The following NUBPL variants were observed in gnomAD, a reference collection of about 807,000 sequenced individuals.
NUBPL encodes NUBP iron-sulfur cluster assembly factor, mitochondrial.
In NUBPL, 31 loss-of-function variants were observed where a neutral mutation model predicts 45.7. The ratio of observed to expected loss-of-function variants is 0.68; its 90% CI spans 0.51 to 0.92. The LOEUF is 0.92. NUBPL is among the 40% of genes least tolerant of loss of function. The pLI, the probability that NUBPL is intolerant of heterozygous loss-of-function variation, is 0.00. For missense variants in NUBPL, 401 were observed against 398.7 expected, an observed-to-expected ratio of 1.01 and a Z score of -0.05; for synonymous variants, 144 against 140.9, an observed-to-expected ratio of 1.02 and a Z score of -0.15.
At chr14:31,610,497 C>G (rs955360360) in intron 4 of NUBPL, among the ~76,000 whole-genome samples, 3 of 149,018 alleles carry the variant, frequency 2.0e-5, no homozygotes, top group South Asian at 2.1e-4. Context: ...TTTAAAGAAC[C>G]AATACCAATC....
In NUBPL at chr14:31,859,992, G is replaced by A. The variant is rs2139030505; in HGVS notation, c.*812G>A. ...TAGATTCATCTTTTTGTACACCAAT[G>A]TGCTTTTGTTAATTAAAAAAAGTCG... On this transcript the variant is annotated 3_prime_UTR_variant, in exon 11 of 11. Transcript: ENST00000281081. 1 of 152,156 alleles carries A rather than the reference G, an allele frequency of 6.6e-6. No individual in the cohort carries two copies. The highest frequency in any genetic ancestry group is 2.1e-4 in the South Asian group (1 of 4,812). The allele number at this position is 152,156 out of a possible 1,614,324, so 9.4% of individuals were successfully genotyped here.
At chr14:31,834,231 A>T (rs1412401875) in intron 8 of NUBPL, among the ~76,000 whole-genome samples, 3 of 120,322 alleles carry the variant, frequency 2.5e-5, no homozygotes, top group East Asian at 2.6e-4. Flanking sequence ...GCCAGGCTGG[A>T]GTGCAGTGGT....
chr14:31,704,802 AAACTTT>A (rs2037411489), intron 6 of NUBPL, among the ~76,000 whole-genome samples: 1 of 152,298 alleles, frequency 6.6e-6, no homozygotes, highest in African/African-American at 2.4e-5. Context: ...CATAGACAAT[AAACTTT>A]AACATCCCAG....
At chr14:31,855,098 A>C (rs775120615) in intron 10 of NUBPL, among the ~76,000 whole-genome samples, 69 of 152,220 alleles carry the variant, frequency 4.5e-4, no homozygotes, top group Non-Finnish European at 8.7e-4. Flanking sequence ...TCTCTAATGT[A>C]GATAAATACT....
intron 4 of NUBPL, among the ~76,000 whole-genome samples, chr14:31,636,804 C>A (rs10131996): frequency 3.3e-5 from 5 of 152,172 alleles, no homozygotes; most frequent in Admixed American, 2.6e-4. Flanking sequence ...CAACTTCTTC[C>A]TGGTTTAGTC....
intron 6 of NUBPL, among the ~76,000 whole-genome samples, chr14:31,743,913 T>C (rs2038340244): frequency 6.6e-6 from 1 of 152,224 alleles, no homozygotes; most frequent in Non-Finnish European, 1.5e-5. Flanking sequence ...AGAGCCCCGC[T>C]CTTCAAGTGG....
At chr14:31,626,655 C>T (rs1056640327) in intron 4 of NUBPL, among the ~76,000 whole-genome samples, 1 of 152,166 alleles carries the variant, frequency 6.6e-6, no homozygotes, top group African/African-American at 2.4e-5. Context: ...AAACGAGCTA[C>T]ACCTGTCTAA....
chr14:31,606,331 A>G (rs944064869), intron 4 of NUBPL, among the ~76,000 whole-genome samples: 2 of 151,990 alleles, frequency 1.3e-5, no homozygotes, highest in Admixed American at 1.3e-4. Context: ...GACTCAAGCA[A>G]TCCTCCTGCT....
At chr14:31,848,449 G>A (rs930425587) in intron 9 of NUBPL, among the ~76,000 whole-genome samples, 5 of 152,098 alleles carry the variant, frequency 3.3e-5, no homozygotes, top group African/African-American at 1.2e-4. Flanking sequence ...TCAGTGGGTC[G>A]TGTTTTAAAT....
At chr14:31,635,049 C>G (rs1595401818) in intron 4 of NUBPL, among the ~76,000 whole-genome samples, 1 of 149,326 alleles carries the variant, frequency 6.7e-6, no homozygotes, top group Non-Finnish European at 1.5e-5. Flanking sequence ...TGCCTGTTCA[C>G]TCTGATGGTA....
intron 6 of NUBPL, among the ~76,000 whole-genome samples, chr14:31,749,876 G>A (rs962267062): frequency 2.0e-5 from 3 of 151,946 alleles, no homozygotes; most frequent in Non-Finnish European, 2.9e-5. Flanking sequence ...AAGTCCTGTA[G>A]GTGTTCTTCA....
chr14:31,814,110 C>T (rs767242585), intron 7 of NUBPL, among the ~76,000 whole-genome samples: 1 of 152,226 alleles, frequency 6.6e-6, no homozygotes, highest in Non-Finnish European at 1.5e-5. Context: ...AATCCCCACA[C>T]TGTCTTCCAC....
intron 7 of NUBPL, among the ~76,000 whole-genome samples, chr14:31,817,175 A>G (rs1225620306): frequency 6.6e-6 from 1 of 152,146 alleles, no homozygotes; most frequent in Non-Finnish European, 1.5e-5. Flanking sequence ...GAAACATGTG[A>G]AAAGACCAAA....
chr14:31,741,280 G>A (rs2038279099), intron 6 of NUBPL, among the ~76,000 whole-genome samples: 1 of 152,172 alleles, frequency 6.6e-6, no homozygotes, highest in Non-Finnish European at 1.5e-5. Context: ...AGTCCTATGA[G>A]TACATCTCAG....
intron 6 of NUBPL, among the ~76,000 whole-genome samples, chr14:31,715,050 C>A (rs1804256050): frequency 6.6e-6 from 1 of 152,210 alleles, no homozygotes; most frequent in African/African-American, 2.4e-5. Context: ...CCATATACTT[C>A]TGTTTATATT....
At chr14:31,858,522 A>G (rs1054615085) in intron 10 of NUBPL, among the ~76,000 whole-genome samples, 11 of 152,200 alleles carry the variant, frequency 7.2e-5, no homozygotes, top group African/African-American at 2.7e-4. Context: ...TCTGTGGCTT[A>G]AGAGCTGCTG....
intron 6 of NUBPL, among the ~76,000 whole-genome samples, chr14:31,739,657 A>G (rs553923277): frequency 1.3e-3 from 194 of 152,248 alleles, no homozygotes; most frequent in Non-Finnish European, 2.5e-3. Context: ...ACCTACATTG[A>G]CACATCTTTA....
chr14:31,798,806 A>G (rs1221734584), intron 7 of NUBPL, among the ~76,000 whole-genome samples: 2 of 149,784 alleles, frequency 1.3e-5, no homozygotes, highest in African/African-American at 2.4e-5. Context: ...AAAAAAAAAA[A>G]AAAAAAAAAA....
chr14:31,648,064 C>T (rs1288434905), intron 4 of NUBPL, among the ~76,000 whole-genome samples: 3 of 152,048 alleles, frequency 2.0e-5, no homozygotes, highest in African/African-American at 4.8e-5. Flanking sequence ...AAAGTAATAA[C>T]AATAAGCTAA....
Sources: gnomAD v4.1 joint callset for allele counts (sites outside exome capture counted in the v4.1 genomes callset) on GRCh38, gnomAD v4.1.1 for gene constraint, MANE v1.5 for transcripts, NCBI Gene and HGNC (gene_info 2026-07-23, HGNC 2026-07-21) for gene names.